MAF: variants seen among roughly 807,000 people sequenced by gnomAD.
MAF encodes MAF bZIP transcription factor, also known as transcription factor Maf.
A neutral mutation model predicts 22.0 loss-of-function variants in MAF; 10 were observed. That is an observed-to-expected ratio of 0.45 (90% CI 0.28 to 0.77). The LOEUF (loss-of-function observed/expected upper bound fraction) is 0.77. Among genes scored for constraint, MAF ranks in the 30% least tolerant of loss-of-function variants. MAF has a pLI of 0.12. For synonymous variants in MAF, 337 were observed against 255.8 expected, an observed-to-expected ratio of 1.32 and a Z score of -3.03; for missense variants, 544 against 548.4, an observed-to-expected ratio of 0.99 and a Z score of 0.08.
At chr16:79,412,312 A>G in the MAF span, among the ~76,000 whole-genome samples, 2 of 152,170 alleles carry the variant, frequency 1.3e-5, no homozygotes, top group African/African-American at 4.8e-5. Context: ...GGTACCAGGT[A>G]TGTGCAGGTG....
chr16:79,245,116 A>T, the MAF span, among the ~76,000 whole-genome samples: 1 of 152,060 alleles, frequency 6.6e-6, no homozygotes, highest in Non-Finnish European at 1.5e-5. Context: ...TAAGAACCCT[A>T]GAAGAAAACC....
At chr16:79,367,065 C>T in the MAF span, among the ~76,000 whole-genome samples, 1 of 152,064 alleles carries the variant, frequency 6.6e-6, no homozygotes, top group Non-Finnish European at 1.5e-5. Context: ...AATAATTTAC[C>T]CCTAATCTAT....
the MAF span, among the ~76,000 whole-genome samples, chr16:79,573,944 C>T: frequency 6.6e-6 from 1 of 152,146 alleles, no homozygotes; most frequent in Non-Finnish European, 1.5e-5. Context: ...TCTTATCTCC[C>T]GTTCGTTTGC....
chr16:79,289,568 C>T, the MAF span, among the ~76,000 whole-genome samples: 1 of 152,256 alleles, frequency 6.6e-6, no homozygotes, highest in East Asian at 1.9e-4. Flanking sequence ...GTGCCTTATA[C>T]TACGGGCGGA....
chr16:79,598,695 A>C, intron 1 of MAF, 90 bp downstream of exon 1: 1 of 1,582,436 alleles, frequency 6.3e-7, no homozygotes, highest in Non-Finnish European at 8.6e-7. Context: ...GGTGGCGAGC[A>C]TGGCTCTAGA....
the MAF span, among the ~76,000 whole-genome samples, chr16:79,498,259 C>T: frequency 6.6e-6 from 1 of 152,196 alleles, no homozygotes; most frequent in South Asian, 2.1e-4. Context: ...ACGTGGTCTC[C>T]ATTGCAACTT....
the MAF span, among the ~76,000 whole-genome samples, chr16:79,295,756 G>A: frequency 6.6e-6 from 1 of 152,214 alleles, no homozygotes; most frequent in Non-Finnish European, 1.5e-5. Context: ...TTCCCTGTGT[G>A]TCAGGCACAG....
the MAF span, among the ~76,000 whole-genome samples, chr16:79,522,818 T>G: frequency 6.6e-6 from 1 of 152,108 alleles, no homozygotes; most frequent in Non-Finnish European, 1.5e-5. Context: ...ATTTAATGGA[T>G]TAAGGCTGTA....
downstream of MAF, among the ~76,000 whole-genome samples, chr16:79,582,516 G>A (rs1367729781): frequency 1.3e-5 from 2 of 152,180 alleles, no homozygotes; most frequent in Admixed American, 1.3e-4. Context: ...TAGTTACGCT[G>A]CACATGCTCT....
At chr16:79,495,508 G>A in the MAF span, among the ~76,000 whole-genome samples, 1 of 152,136 alleles carries the variant, frequency 6.6e-6, no homozygotes, top group Admixed American at 6.5e-5. Flanking sequence ...GAAATTCTGA[G>A]AGTTTTAGAA....
the MAF span, among the ~76,000 whole-genome samples, chr16:79,293,051 T>C: frequency 6.6e-6 from 1 of 152,236 alleles, no homozygotes; most frequent in African/African-American, 2.4e-5. Flanking sequence ...TATACTCAAA[T>C]GAGTAGCCCA....
chr16:79,486,096 A>G, the MAF span, among the ~76,000 whole-genome samples: 11 of 152,324 alleles, frequency 7.2e-5, no homozygotes, highest in African/African-American at 2.6e-4. Context: ...AGTGTCTCGC[A>G]TGACTCTCCA....
chr16:79,480,602 T>A, the MAF span, among the ~76,000 whole-genome samples: 2 of 152,086 alleles, frequency 1.3e-5, no homozygotes, highest in Non-Finnish European at 2.9e-5. Context: ...TTTTATCAGT[T>A]CTCACTATGG....
At chr16:79,563,984 A>C in the MAF span, among the ~76,000 whole-genome samples, 31,239 of 152,256 alleles carry the variant, frequency 0.21, 3,609 homozygotes, top group Non-Finnish European at 0.26. Context: ...TTTGAAGTTT[A>C]TTCTTAATCT....
the MAF span, among the ~76,000 whole-genome samples, chr16:79,346,247 C>G: frequency 1.8e-4 from 27 of 146,000 alleles, no homozygotes; most frequent in Non-Finnish European, 3.0e-4. Context: ...TCTCACTGTT[C>G]AATTCCCACC....
chr16:79,302,850 G>C, the MAF span, among the ~76,000 whole-genome samples: 1 of 152,226 alleles, frequency 6.6e-6, no homozygotes, highest in African/African-American at 2.4e-5. Flanking sequence ...TGTCAAATGA[G>C]AAATGCAAAA....
chr16:79,216,177 ATATG>A, the MAF span, among the ~76,000 whole-genome samples: 3 of 144,664 alleles, frequency 2.1e-5, no homozygotes, highest in Admixed American at 2.0e-4. Context: ...GTGCACGTGT[ATATG>A]TATATATGTC....
chr16:79,565,915 C>G, the MAF span, among the ~76,000 whole-genome samples: 1 of 152,154 alleles, frequency 6.6e-6, no homozygotes, highest in Non-Finnish European at 1.5e-5. Context: ...GAGACAGTCT[C>G]TTGCTTCAAG....
chr16:79,471,365 A>T, the MAF span, among the ~76,000 whole-genome samples: 5 of 152,216 alleles, frequency 3.3e-5, no homozygotes, highest in African/African-American at 1.2e-4. Context: ...GATGTAAAAA[A>T]CTAAGGTTTA....
Sources: allele counts gnomAD v4.1 joint callset (sites outside exome capture counted in the v4.1 genomes callset), GRCh38; gene constraint gnomAD v4.1.1; transcripts MANE v1.5; gene names NCBI Gene and HGNC (gene_info 2026-07-23, HGNC 2026-07-21).